The following IDH2 variants were observed in gnomAD, a reference collection of about 807,000 sequenced individuals.
IDH2 encodes isocitrate dehydrogenase [NADP], mitochondrial.
In IDH2, 18 loss-of-function variants were observed where a neutral mutation model predicts 50.5. The observed-to-expected ratio is 0.36, with a 90% CI of 0.25 to 0.53. The LOEUF is 0.53. Ranked by LOEUF, IDH2 falls within the 20% of genes least tolerant of loss-of-function variation. The probability of loss-of-function intolerance (pLI) is 0.92; values close to 1 mark genes in which losing one functional copy is unlikely to be tolerated. For missense variants in IDH2, 518 were observed against 610.7 expected (o/e 0.85, Z 1.60); for synonymous variants, 280 against 239.8 (o/e 1.17, Z -1.55).
intron 1 of IDH2, 114 bp downstream of exon 1, chr15:90,102,162 C>A (rs914172123): frequency 5.1e-6 from 2 of 389,808 alleles, no homozygotes; most frequent in Non-Finnish European, 8.5e-6. Flanking sequence ...TGCGCCTGAC[C>A]CCGCCGTCCC....
At position 90,087,589 on chromosome 15, in the gene IDH2, G is replaced by A; in HGVS notation, c.679-14C>T. 1 of 1,612,708 alleles carries A rather than the reference G, an allele frequency of 6.2e-7. No individual in the cohort carries two copies. Among genetic ancestry groups the A allele is most frequent in the Non-Finnish European group, 8.5e-7 (1 of 1,180,020 alleles). ...ACCTGAGATGGACTGCAGGGGGAGA[G>A]ACAGGGCCCTGGCGTGGTGCCCTAG... On this transcript the variant is annotated splice_polypyrimidine_tract_variant and intron_variant, in intron 5 of 10. Transcript: ENST00000330062.
Position 90,094,653 on chromosome 15 carries a change from C to T in IDH2, c.116-3009G>A, listed in dbSNP as rs549470067. ...GGGTGTAATGGCTCATGCCTGTAAT[C>T]CTAGCACTTTGGGAGGCTGAGGCAG... On this transcript the variant is annotated intron_variant, in intron 1 of 10. Coordinates refer to ENST00000330062, the MANE Select transcript of IDH2 (RefSeq NM_002168.4). Among the ~76,000 whole-genome samples, 11 of 152,306 alleles carry T rather than the reference C, an allele frequency of 7.2e-5. No homozygotes were observed. The South Asian group carries it at 2.1e-3, about 29-fold the overall frequency.
chr15:90,088,574 C>T lies in IDH2; in HGVS notation c.534+13G>A, dbSNP rs2151549467. The T allele has an allele frequency of 1.2e-6, 2 of 1,614,234 alleles. No individual in the cohort carries two copies. The highest frequency in any genetic ancestry group is 1.6e-4 in the Middle Eastern group (1 of 6,062). Reference sequence around the variant, plus strand: ...TGCCCAGGTCAGTGGATCCCCTCTCCACCCTGGCCTACCTGGTCGCCATGG... The same window carrying T: ...TGCCCAGGTCAGTGGATCCCCTCTCTACCCTGGCCTACCTGGTCGCCATGG... On this transcript the variant is annotated intron_variant, in intron 4 of 10. Coordinates refer to ENST00000330062, the MANE Select transcript of IDH2 (RefSeq NM_002168.4).
In IDH2 at chr15:90,091,549, C is replaced by T. The variant is rs77995170; in HGVS notation, c.207+4G>A. The T allele has an allele frequency of 7.0e-4, 1,124 of 1,612,372 alleles. 7 individuals carry two copies. In the African/African-American group the frequency reaches 0.014, roughly 19 times the overall value. ...GAGCCACCCACTTCAGGAGGGGGCA[C>T]TACCTTCTCCTTGATGAACTGCCAG... On this transcript the variant is annotated splice_donor_region_variant and intron_variant, in intron 2 of 10. Coordinates refer to ENST00000330062, the MANE Select transcript of IDH2 (RefSeq NM_002168.4).
intron 1 of IDH2, among the ~76,000 whole-genome samples, chr15:90,097,355 T>C (rs1319621467): frequency 1.3e-5 from 2 of 152,240 alleles, no homozygotes; most frequent in African/African-American, 2.4e-5. Context: ...CATAGATCTG[T>C]ATGTATAGGA....
rs1900793135 is a variant in IDH2, at chr15:90,084,178, G to A, written c.*88C>T. The A allele has an allele frequency of 2.0e-6, 2 of 1,001,754 alleles. No individual in the cohort carries two copies. Among genetic ancestry groups the A allele is most frequent in the Non-Finnish European group, 3.1e-6 (2 of 644,356 alleles). The allele number at this position is 1,001,754 out of a possible 1,614,324, so 62.1% of individuals were successfully genotyped here. A position where few individuals can be genotyped will look rare whatever the true frequency, so the allele number is the denominator to read the frequency against. ...TCCCCTAGAAAGGCCTCCAGAGAGG[G>A]GCTGTGAGGCTCACCCTCTGCCGCG... On this transcript the variant is annotated 3_prime_UTR_variant, in exon 11 of 11. Coordinates refer to ENST00000330062, the MANE Select transcript of IDH2 (RefSeq NM_002168.4). The surrounding 1 kb of genome is among the most constrained non-coding windows in gnomAD (Gnocchi z 5.0).
chr15:90,083,859 C>G lies in IDH2; in HGVS notation c.*407G>C. 1 of 307,300 alleles carries G rather than the reference C, an allele frequency of 3.3e-6. No individual in the cohort carries two copies. Among genetic ancestry groups the G allele is most frequent in the South Asian group, 4.7e-5 (1 of 21,142 alleles). 19.0% of individuals were successfully genotyped at this position (307,300 alleles called of 1,614,324 possible). ...CCAGGGCTGCCTGGTCCCTTCCCTG[C>G]CGTGGCAGCCCCTTCCTGAGGTGCT... On this transcript the variant is annotated 3_prime_UTR_variant, in exon 11 of 11. Coordinates refer to ENST00000330062, the MANE Select transcript of IDH2 (RefSeq NM_002168.4).
In IDH2 at chr15:90,085,392, A is replaced by T; in HGVS notation, c.968-5T>A. 1 of 1,549,632 alleles carries T rather than the reference A, an allele frequency of 6.5e-7. No homozygotes were observed. Among genetic ancestry groups the T allele is most frequent in the Non-Finnish European group, 8.7e-7 (1 of 1,144,334 alleles). On this transcript the variant is annotated splice_region_variant and splice_polypyrimidine_tract_variant and intron_variant, in intron 7 of 10. Transcript: ENST00000330062. The surrounding 1 kb of genome is among the most constrained non-coding windows in gnomAD (Gnocchi z 5.5). ...TCAGGCCAAGGGAGCCAAAGCCTGGAGGGTAGAAAGCCTTTCTCTCAGGGC... is the reference window on the plus strand; with the variant it reads ...TCAGGCCAAGGGAGCCAAAGCCTGGTGGGTAGAAAGCCTTTCTCTCAGGGC...
rs113616815 is a variant in IDH2, at chr15:90,085,191, G to A, written c.1080+84C>T. 782 of 1,533,092 alleles carry A rather than the reference G, an allele frequency of 5.1e-4. 3 individuals are homozygous for A. In the African/African-American group the frequency reaches 9.8e-3, roughly 19 times the overall value. 95.0% of individuals were successfully genotyped at this position (1,533,092 alleles called of 1,614,324 possible). A position where few individuals can be genotyped will look rare whatever the true frequency, so the allele number is the denominator to read the frequency against. On this transcript the variant is annotated intron_variant, in intron 8 of 10. Coordinates refer to ENST00000330062, the MANE Select transcript of IDH2 (RefSeq NM_002168.4). The surrounding 1 kb of genome is among the most constrained non-coding windows in gnomAD (Gnocchi z 5.5). ...TGCCCGCCCCTGGGCTGGTGGGTCA[G>A]GCTCGTCCTTCCAGCCCTCAGCCCA...
intron 1 of IDH2, among the ~76,000 whole-genome samples, chr15:90,101,147 T>C (rs1447991159): frequency 1.3e-5 from 2 of 151,844 alleles, no homozygotes; most frequent in Non-Finnish European, 2.9e-5. Flanking sequence ...GCAGGGAAGG[T>C]AGGACTGGGG....
chr15:90,089,017 C>T (rs1212607623), intron 3 of IDH2, among the ~76,000 whole-genome samples: 1 of 148,972 alleles, frequency 6.7e-6, no homozygotes, highest in African/African-American at 2.5e-5. Context: ...TGGGTTCAAG[C>T]GGTTCTCCTG....
chr15:90,096,612 A>T (rs1596079770), intron 1 of IDH2, among the ~76,000 whole-genome samples: 1 of 152,288 alleles, frequency 6.6e-6, no homozygotes, highest in East Asian at 1.9e-4. Flanking sequence ...GGTGTTCCTT[A>T]GCTAAAAGGA....
chr15:90,101,218 C>T (rs1901322385), intron 1 of IDH2, among the ~76,000 whole-genome samples: 1 of 152,156 alleles, frequency 6.6e-6, no homozygotes, highest in Admixed American at 6.5e-5. Flanking sequence ...TTAACCATTA[C>T]CTCCTCTGGC....
At chr15:90,096,552 C>T (rs1010705245) in intron 1 of IDH2, among the ~76,000 whole-genome samples, 4 of 151,982 alleles carry the variant, frequency 2.6e-5, no homozygotes, top group Admixed American at 1.3e-4. Flanking sequence ...AACTCTTGTG[C>T]CCTGTTGGTG....
chr15:90,095,386 G>C lies in IDH2; in HGVS notation c.116-3742C>G, dbSNP rs528520917. Reference sequence around the variant, plus strand: ...AGTGGAAAGAGCTGCAGAACCTGCGGAAAGTCTGTTGAGCTGTTGCAGAGC... The same window carrying C: ...AGTGGAAAGAGCTGCAGAACCTGCGCAAAGTCTGTTGAGCTGTTGCAGAGC... On this transcript the variant is annotated intron_variant, in intron 1 of 10. Coordinates refer to ENST00000330062, the MANE Select transcript of IDH2 (RefSeq NM_002168.4). 2.3e-3 allele frequency among the ~76,000 whole-genome samples: 343 copies of C among 152,096 alleles called. 1 individual carries two copies. Among genetic ancestry groups the C allele is most frequent in the Admixed American group, 6.5e-3 (100 of 15,270 alleles).
Position 90,085,352 on chromosome 15 carries a change from C to A in IDH2, c.1003G>T (p.Val335Phe). ...TCAATCGTCTTCCCATCAGGGCAGA[C>A]CAGGACGGACGTCATCAGGCCAAGG... ...GSLGLMTSVLVCPDGKTIEAE... is the reference protein window; with the variant it reads ...GSLGLMTSVLFCPDGKTIEAE... The change falls in exon 8 of 11, where the codon GTC becomes TTC. Residue 335 changes from valine (V) to phenylalanine (F), a missense_variant. This residue lies in a region of IDH2 where 135 missense variants were observed against 167.6 expected (regional missense o/e 0.81). Transcript: ENST00000330062. This position sits in a 1 kb window ranked among gnomAD's most constrained non-coding sequence, Gnocchi z 5.5. 6.4e-7 allele frequency: 1 copy of A among 1,556,980 alleles called. No individual in the cohort carries two copies.
intron 1 of IDH2, among the ~76,000 whole-genome samples, chr15:90,096,899 G>C (rs1901197275): frequency 6.6e-6 from 1 of 151,632 alleles, no homozygotes; most frequent in Non-Finnish European, 1.5e-5. Context: ...GGGCGAAAGA[G>C]AGCAAGACTC....
chr15:90,084,877 C>G lies in IDH2; in HGVS notation c.1210G>C (p.Glu404Gln), dbSNP rs767090389. 1.2e-6 allele frequency: 2 copies of G among 1,614,088 alleles called. No individual in the cohort carries two copies. The highest frequency in any genetic ancestry group is 2.7e-5 in the African/African-American group (2 of 75,012). ...GTCATGGCTCCACTCTCCACCGTCT[C>G]CACGCACACCTTCTCCAGCATCTGG... ...FAQMLEKVCV[E>Q]TVESGAMTKD... Residue 404 changes from glutamate to glutamine, a missense_variant, in exon 10 of 11, where the codon GAG (glutamate) becomes CAG (glutamine). Coordinates refer to ENST00000330062, the MANE Select transcript of IDH2 (RefSeq NM_002168.4). The surrounding 1 kb of genome is among the most constrained non-coding windows in gnomAD (Gnocchi z 5.0).
In IDH2 at chr15:90,087,246, A is replaced by C; in HGVS notation, c.833T>G (p.Phe278Cys). ...EIFDKHYKTD[F>C]DKNKIWYEHR... ...CTCATACCAGATCTTATTCTTGTCGAAGTCGGTCTTATAGTGCCTGGGAGT... is the reference window on the plus strand; with the variant it reads ...CTCATACCAGATCTTATTCTTGTCGCAGTCGGTCTTATAGTGCCTGGGAGT... Residue 278 changes from phenylalanine (F) to cysteine (C), a missense_variant, in exon 7 of 11, where the codon TTC becomes TGC. Transcript: ENST00000330062. The C allele has an allele frequency of 6.2e-7, 1 of 1,614,094 alleles. No homozygotes were observed. Among genetic ancestry groups the C allele is most frequent in the South Asian group, 1.1e-5 (1 of 91,080 alleles).
Sources: allele counts gnomAD v4.1 joint callset (sites outside exome capture counted in the v4.1 genomes callset), GRCh38; gene constraint gnomAD v4.1.1; regional missense constraint gnomAD v4.1.1; non-coding constraint Gnocchi (gnomAD v3.1); transcripts MANE v1.5; gene names NCBI Gene and HGNC (gene_info 2026-07-23, HGNC 2026-07-21).